STAG2: variants seen among roughly 807,000 people sequenced by gnomAD.
STAG2 encodes cohesin subunit SA-2.
Under a neutral mutation model 108.1 loss-of-function variants are expected in STAG2, and 14 were observed. That is an observed-to-expected ratio of 0.13 (90% CI 0.09 to 0.20). The LOEUF (loss-of-function observed/expected upper bound fraction) is 0.20, where lower values mean the gene tolerates loss of function less well. STAG2 is among the 10% of genes least tolerant of loss of function. STAG2 has a pLI of 1.00. For synonymous variants in STAG2, 307 were observed against 302.7 expected, an observed-to-expected ratio of 1.01 and a Z score of -0.15; for missense variants, 440 against 940.9, an observed-to-expected ratio of 0.47 and a Z score of 6.96.
rs2057318039 is a variant in STAG2 at position 124,031,084 on chromosome X, A to C, written c.247A>C (p.Met83Leu). ...HHQQNGVENMMLFEVVKMGKS... is the reference protein window; with the variant it reads ...HHQQNGVENMLLFEVVKMGKS... ...CCAACAGAATGGAGTGGAAAACATG[A>C]TGTTGTTTGAAGTTGTTAAAATGGG... The change falls in exon 5 of 35, where the codon ATG (methionine) becomes CTG (leucine). Residue 83 changes from methionine to leucine, a missense_variant. Around this residue, in one of 3 missense-constraint regions of STAG2, gnomAD observed 69 missense variants for 254.9 expected, o/e 0.27. Coordinates refer to ENST00000371145, the MANE Select transcript of STAG2 (RefSeq NM_001042750.2). 4.1e-6 allele frequency: 5 copies of C among 1,208,741 alleles called. No homozygotes were observed. Among genetic ancestry groups the C allele is most frequent in the Non-Finnish European group, 5.6e-6 (5 of 894,753 alleles).
intron 34 of STAG2, among the ~76,000 whole-genome samples, chrX:124,098,584 G>A (rs375969029): frequency 3.6e-5 from 4 of 111,469 alleles, no homozygotes; most frequent in African/African-American, 1.3e-4. Flanking sequence ...TTAATGTCCA[G>A]TTCTGAGATT....
chrX:124,026,801 G>T (rs2057117150), intron 4 of STAG2: 1 of 117,759 alleles, frequency 8.5e-6, no homozygotes. Context: ...AGTTTAATGT[G>T]CTTTTAAAAC....
intron 1 of STAG2, among the ~76,000 whole-genome samples, chrX:124,005,862 C>G (rs1424120527): frequency 9.0e-6 from 1 of 111,479 alleles, no homozygotes; most frequent in Non-Finnish European, 1.9e-5. Context: ...TTAGTTCCTT[C>G]TGAGAGAATC....
In STAG2 at chrX:124,057,986, A is replaced by T; in HGVS notation, c.1416+9A>T. 1 of 1,130,195 alleles carries T rather than the reference A, an allele frequency of 8.8e-7. No homozygotes were observed. 93.1% of individuals were successfully genotyped at this position (1,130,195 alleles called of 1,213,427 possible). On this transcript the variant is annotated intron_variant, in intron 15 of 34. Coordinates refer to ENST00000371145, the MANE Select transcript of STAG2 (RefSeq NM_001042750.2). Reference sequence around the variant, plus strand: ...TCTTTCTAGAAAGTGAGGTTAGTTGATAGTATTTATTTTATACTTAGGTTC... The same window carrying T: ...TCTTTCTAGAAAGTGAGGTTAGTTGTTAGTATTTATTTTATACTTAGGTTC...
chrX:124,046,077 A>G (rs1306572586), intron 8 of STAG2, among the ~76,000 whole-genome samples: 1 of 111,900 alleles, frequency 8.9e-6, no homozygotes, highest in African/African-American at 3.2e-5. Flanking sequence ...AATTGGTGAT[A>G]CACTGCTGTT....
chrX:123,986,098 CAT>C (rs911276607), intron 1 of STAG2, among the ~76,000 whole-genome samples: 2 of 103,073 alleles, frequency 1.9e-5, no homozygotes, highest in African/African-American at 7.1e-5. Context: ...TGATATATAT[CAT>C]GTATATATGC....
chrX:124,044,989 T>A (rs2057834099), intron 7 of STAG2, among the ~76,000 whole-genome samples, 175 bp from the exon 8 acceptor site: 2 of 111,635 alleles, frequency 1.8e-5, no homozygotes, highest in African/African-American at 6.5e-5. Flanking sequence ...AGCTGAAGTG[T>A]TCAGAGGTAC....
chrX:124,060,667 A>G (rs1210082578), intron 15 of STAG2, among the ~76,000 whole-genome samples: 1 of 110,333 alleles, frequency 9.1e-6, no homozygotes, highest in Non-Finnish European at 1.9e-5. Flanking sequence ...TCACACCTGT[A>G]ATCCCAGCAC....
At chrX:123,969,680 G>A (rs914621001) in intron 1 of STAG2, among the ~76,000 whole-genome samples, 1 of 108,726 alleles carries the variant, frequency 9.2e-6, no homozygotes, top group Non-Finnish European at 1.9e-5. Flanking sequence ...GGAGTTTCGC[G>A]CTTGTTGCCC....
chrX:124,065,558 TAAGTA>T (rs2058501448), intron 20 of STAG2, among the ~76,000 whole-genome samples: 1 of 111,936 alleles, frequency 8.9e-6, no homozygotes, highest in Non-Finnish European at 1.9e-5. Context: ...TCTTGTCATT[TAAGTA>T]TTTTATTGTC....
chrX:124,050,083 CAT>C (rs2057990274), intron 10 of STAG2, 101 bp from the exon 11 acceptor site: 1 of 927,435 alleles, frequency 1.1e-6, no homozygotes, highest in African/African-American at 2.0e-5. Flanking sequence ...AAGATAATGT[CAT>C]ATTCATAGTA....
At chrX:124,039,639 T>A (rs2057639638) in intron 6 of STAG2, among the ~76,000 whole-genome samples, 1 of 52,333 alleles carries the variant, frequency 1.9e-5, no homozygotes, top group Non-Finnish European at 4.7e-5. Flanking sequence ...TTTCTTTCTT[T>A]CTTTTTTTTT....
intron 8 of STAG2, among the ~76,000 whole-genome samples, chrX:124,046,194 CTT>C (rs1293311964): frequency 2.7e-5 from 3 of 111,521 alleles, no homozygotes; most frequent in African/African-American, 9.8e-5. Flanking sequence ...ACTAAAAAAA[CTT>C]TATATTCTCT....
At chrX:124,023,240 A>G (rs754076194) in intron 3 of STAG2, among the ~76,000 whole-genome samples, 1 of 112,039 alleles carries the variant, frequency 8.9e-6, no homozygotes, top group East Asian at 2.8e-4. Flanking sequence ...ATACTAAGGT[A>G]CAGTTTCATG....
At chrX:124,030,653 CAT>C (rs964589436) in intron 4 of STAG2, among the ~76,000 whole-genome samples, 1 of 111,502 alleles carries the variant, frequency 9.0e-6, no homozygotes, top group African/African-American at 3.3e-5. Flanking sequence ...ATCACTGAAA[CAT>C]AGTGTGGTTA....
chrX:124,022,593 T>C lies in STAG2; in HGVS notation c.-35T>C. The C allele has an allele frequency of 8.8e-7, 1 of 1,132,693 alleles. No homozygotes were observed. The highest frequency in any genetic ancestry group is 1.2e-6 in the Non-Finnish European group (1 of 846,810). The allele number at this position is 1,132,693 out of a possible 1,213,427, so 93.3% of individuals were successfully genotyped here. ...ACCCACGTAAATATATGAATATATT[T>C]CTGACATTGAGGTGTTCCAGAAGAT... On this transcript the variant is annotated 5_prime_UTR_variant, in exon 3 of 35. Transcript: ENST00000371145.
intron 7 of STAG2, among the ~76,000 whole-genome samples, chrX:124,044,870 ATGTTT>A (rs907783339): frequency 9.0e-6 from 1 of 111,351 alleles, no homozygotes; most frequent in Non-Finnish European, 1.9e-5. Context: ...TATCACAAGG[ATGTTT>A]TGTTTTGATG....
intron 32 of STAG2, 47 bp downstream of exon 32, chrX:124,091,011 C>T (rs770501306): frequency 6.7e-6 from 6 of 898,148 alleles, no homozygotes; most frequent in Non-Finnish European, 4.7e-6. Context: ...TTCACTAATT[C>T]ATTTTAACAT....
intron 6 of STAG2, among the ~76,000 whole-genome samples, chrX:124,039,281 G>C (rs578084395): frequency 1.1e-4 from 12 of 108,634 alleles, no homozygotes; most frequent in Middle Eastern, 9.4e-3. Context: ...TTAACCTCCT[G>C]AATAGCTGGG....
Sources: gnomAD v4.1 joint callset for allele counts (sites outside exome capture counted in the v4.1 genomes callset) on GRCh38, gnomAD v4.1.1 for gene constraint, gnomAD v4.1.1 regional missense constraint, MANE v1.5 for transcripts, NCBI Gene and HGNC (gene_info 2026-07-23, HGNC 2026-07-21) for gene names.